The following IL13RA1 variants were observed in gnomAD, a reference collection of about 807,000 sequenced individuals.
IL13RA1 encodes the protein interleukin 13 receptor subunit alpha 1.
IL13RA1 carries 14 observed loss-of-function variants against 33.8 expected under a neutral mutation model. The observed-to-expected ratio is 0.41, with a 90% CI of 0.27 to 0.65. IL13RA1 has a LOEUF of 0.65. Among genes scored for constraint, IL13RA1 ranks in the 30% least tolerant of loss-of-function variants. The pLI is 0.28. For synonymous variants in IL13RA1, 116 were observed against 115.7 expected (o/e 1.00, Z -0.02); for missense variants, 313 against 327.0 (o/e 0.96, Z 0.33).
At chrX:118,747,116 T>C in intron 3 of IL13RA1, 24 bp downstream of exon 3, 3 of 1,026,414 alleles carry the variant, frequency 2.9e-6, no homozygotes, top group South Asian at 4.0e-5. Flanking sequence ...GCGCTATCTC[T>C]TGGTGTTTAG....
chrX:118,749,731 C>T lies in IL13RA1; in HGVS notation c.441C>T (p.Leu147=), dbSNP rs776448147. The T allele has an allele frequency of 2.3e-5, 27 of 1,174,103 alleles. No individual in the cohort carries two copies. The South Asian group carries it at 4.1e-4, about 18-fold the overall frequency. ...HNLSYMKCSW[L]PGRNTSPDTN... is the part of the protein sequence containing the mutation. ...TGAGCTACATGAAGTGTTCTTGGCT[C>T]CCTGGAAGGAATACCAGTCCCGACA... Residue 147 remains leucine (L), a synonymous_variant, in exon 4 of 11, where the codon CTC becomes CTT. Coordinates refer to ENST00000371666, the MANE Select transcript of IL13RA1 (RefSeq NM_001560.3).
In IL13RA1 at chrX:118,757,403, G is replaced by A. The variant is rs200193544; in HGVS notation, c.489-652G>A. ...AAATTAGCCGGGCGTAGTAGTGTGT[G>A]CCTGTAATCCCAGCTACTCAGGAGG... On this transcript the variant is annotated intron_variant, in intron 4 of 10. Coordinates refer to ENST00000371666, the MANE Select transcript of IL13RA1 (RefSeq NM_001560.3). Among the ~76,000 whole-genome samples the A allele has an allele frequency of 4.6e-5, 5 of 107,719 alleles. No individual in the cohort carries two copies. In the East Asian group the frequency reaches 1.5e-3, roughly 32 times the overall value. 93.5% of individuals were successfully genotyped at this position (107,719 alleles called of 115,157 possible). A position where few individuals can be genotyped will look rare whatever the true frequency, so the allele number is the denominator to read the frequency against.
At chrX:118,767,987 G>A (rs1481985626) in intron 8 of IL13RA1, among the ~76,000 whole-genome samples, 1 of 111,670 alleles carries the variant, frequency 9.0e-6, no homozygotes, top group Non-Finnish European at 1.9e-5. Context: ...GGATAATCAG[G>A]ATGTTGAAGA....
At chrX:118,756,361 C>T (rs972635628) in intron 4 of IL13RA1, among the ~76,000 whole-genome samples, 2 of 111,642 alleles carry the variant, frequency 1.8e-5, no homozygotes, top group African/African-American at 6.5e-5. Context: ...TGTCTGCCTG[C>T]GCTGGGCTAG....
chrX:118,753,044 C>T (rs1025152656), intron 4 of IL13RA1, among the ~76,000 whole-genome samples: 6 of 111,361 alleles, frequency 5.4e-5, no homozygotes, highest in Non-Finnish European at 9.4e-5. Flanking sequence ...TTGGTAAAAC[C>T]GCAGGGAAAA....
chrX:118,728,015 G>C (rs944732617), intron 1 of IL13RA1, among the ~76,000 whole-genome samples: 2 of 111,879 alleles, frequency 1.8e-5, no homozygotes, highest in Admixed American at 9.3e-5. Flanking sequence ...GACTTGTAGT[G>C]GGAAGAGCCC....
intron 10 of IL13RA1, among the ~76,000 whole-genome samples, chrX:118,782,554 G>A (rs1425827164): frequency 1.8e-5 from 2 of 109,510 alleles, no homozygotes; most frequent in African/African-American, 3.3e-5. Flanking sequence ...ATAGTACCAA[G>A]TTATTCCTCT....
rs141664428 is a variant in IL13RA1, at chrX:118,792,143, A to G, written c.*289A>G. 570 of 159,061 alleles carry G rather than the reference A, an allele frequency of 3.6e-3. 7 individuals carry two copies. In the South Asian group the frequency reaches 0.047, roughly 13 times the overall value. 13.1% of individuals were successfully genotyped at this position (159,061 alleles called of 1,213,427 possible). ...GATAGTGGTGGAGTTAATCTTATCA[A>G]GAGTTGTGACAACTTCCTGAGGGAT... On this transcript the variant is annotated 3_prime_UTR_variant, in exon 11 of 11. Transcript: ENST00000371666.
chrX:118,736,488 CTG>C (rs1285442449), intron 1 of IL13RA1, among the ~76,000 whole-genome samples: 1 of 111,627 alleles, frequency 9.0e-6, no homozygotes, highest in Non-Finnish European at 1.9e-5. Context: ...TGTAGGCTGT[CTG>C]TGTGTTGAGC....
intron 2 of IL13RA1, among the ~76,000 whole-genome samples, chrX:118,746,032 A>C (rs138629048): frequency 4.4e-4 from 49 of 112,100 alleles, no homozygotes; most frequent in Non-Finnish European, 1.5e-4. Flanking sequence ...TGAGGTAGTC[A>C]AAATAGTCAA....
At chrX:118,739,302 A>G (rs182344590) in intron 1 of IL13RA1, among the ~76,000 whole-genome samples, 154 of 112,057 alleles carry the variant, frequency 1.4e-3, no homozygotes, top group Non-Finnish European at 2.3e-3. Context: ...ATTGACTGTT[A>G]GAGAAACCTC....
rs774648561 is a variant in IL13RA1 at position 118,773,955 on chromosome X, A to T, written c.1086A>T (p.Val362=). 63 of 1,012,180 alleles carry T rather than the reference A, an allele frequency of 6.2e-5. No individual in the cohort carries two copies. The highest frequency in any genetic ancestry group is 8.5e-5 in the Non-Finnish European group (61 of 716,375). The allele number at this position is 1,012,180 out of a possible 1,213,427, so 83.4% of individuals were successfully genotyped here. ...TCATCGTCGCAGGTGCAATCATAGT[A>T]CTCCTGCTTTACCTAAAAAGGTAAG... is the stretch of plus-strand genomic sequence containing the variant. ...VPVIVAGAII[V]LLLYLKRLKI... Residue 362 remains valine, a synonymous_variant, in exon 9 of 11, where the codon GTA becomes GTT. Transcript: ENST00000371666.
chrX:118,804,224 T>G, the IL13RA1 span, among the ~76,000 whole-genome samples: 213 of 110,905 alleles, frequency 1.9e-3, no homozygotes, highest in African/African-American at 6.8e-3. Context: ...CCCAAAGTGC[T>G]GGGATTACAG....
chrX:118,745,338 G>A (rs2017390875), intron 2 of IL13RA1, among the ~76,000 whole-genome samples: 1 of 111,884 alleles, frequency 8.9e-6, no homozygotes, highest in African/African-American at 3.2e-5. Flanking sequence ...AGCTTTGCCA[G>A]TGGGACAGAA....
intron 3 of IL13RA1, among the ~76,000 whole-genome samples, chrX:118,748,107 A>G (rs895972138): frequency 2.0e-5 from 2 of 101,758 alleles, no homozygotes; most frequent in African/African-American, 7.1e-5. Context: ...TATACATTAT[A>G]TGTAATATAT....
At chrX:118,784,152 TATAC>T (rs2017890312) in intron 10 of IL13RA1, among the ~76,000 whole-genome samples, 1 of 89,976 alleles carries the variant, frequency 1.1e-5, no homozygotes, top group African/African-American at 4.0e-5. Flanking sequence ...TATATACGTA[TATAC>T]ACATATATAC....
Position 118,778,504 on chromosome X carries a change from G to T in IL13RA1, c.1191+1993G>T, listed in dbSNP as rs752940563. 3.6e-5 allele frequency among the ~76,000 whole-genome samples: 4 copies of T among 111,446 alleles called. No homozygotes were observed. In the South Asian group the frequency reaches 1.5e-3, roughly 42 times the overall value. On this transcript the variant is annotated intron_variant, in intron 10 of 10. Coordinates refer to ENST00000371666, the MANE Select transcript of IL13RA1 (RefSeq NM_001560.3). ...AACTGGAGTGCTTACAAGAAATACA[G>T]ATTTCTGGACCCTACTTCCAATTCC...
At chrX:118,740,918 C>T in intron 1 of IL13RA1, 99 bp from the exon 2 acceptor site, 2 of 606,754 alleles carry the variant, frequency 3.3e-6, no homozygotes, top group Non-Finnish European at 5.6e-6. Context: ...GTTGTTAACT[C>T]AGTTATTACT....
intron 8 of IL13RA1, among the ~76,000 whole-genome samples, chrX:118,767,767 C>T (rs2017666555): frequency 9.0e-6 from 1 of 111,132 alleles, no homozygotes. Flanking sequence ...GGGTGGGATA[C>T]ACGGCTTTAT....
Sources: gnomAD v4.1 joint callset for allele counts (sites outside exome capture counted in the v4.1 genomes callset) on GRCh38, gnomAD v4.1.1 for gene constraint, MANE v1.5 for transcripts, NCBI Gene and HGNC (gene_info 2026-07-23, HGNC 2026-07-21) for gene names.